ACTR3C: variants seen among roughly 807,000 people sequenced by gnomAD.
The protein encoded by ACTR3C is actin related protein 3C.
ACTR3C carries 18 observed loss-of-function variants against 26.3 expected under a neutral mutation model. The ratio of observed to expected loss-of-function variants is 0.68; its 90% confidence interval spans 0.47 to 1.01. ACTR3C has a LOEUF of 1.01. Ranked by LOEUF, ACTR3C falls within the 50% of genes least tolerant of loss-of-function variation. The pLI is 0.00. For missense variants in ACTR3C, 184 were observed against 250.7 expected (o/e 0.73, Z 1.80); for synonymous variants, 55 against 94.5 (o/e 0.58, Z 2.42).
At chr7:150,028,600 G>A in the ACTR3C span, among the ~76,000 whole-genome samples, 3 of 152,286 alleles carry the variant, frequency 2.0e-5, no homozygotes, top group East Asian at 3.8e-4. Context: ...TGGGCTTAGC[G>A]GCATCTCTGC....
At chr7:150,199,647 AAT>A in the ACTR3C span, among the ~76,000 whole-genome samples, 6 of 138,254 alleles carry the variant, frequency 4.3e-5, no homozygotes, top group South Asian at 4.5e-4. Flanking sequence ...AATAAAAAAA[AAT>A]AAATAAAAAA....
the ACTR3C span, among the ~76,000 whole-genome samples, chr7:150,201,101 G>T: frequency 8.6e-5 from 13 of 151,886 alleles, no homozygotes; most frequent in African/African-American, 3.1e-4. Flanking sequence ...ATACTTTTTT[G>T]TCTGCAACCC....
chr7:149,955,833 C>T, the ACTR3C span, among the ~76,000 whole-genome samples: 1 of 152,148 alleles, frequency 6.6e-6, no homozygotes, highest in African/African-American at 2.4e-5. Flanking sequence ...GCTCACTGAA[C>T]CCAGCAGGTA....
At chr7:149,926,327 G>T in the ACTR3C span, among the ~76,000 whole-genome samples, 1 of 152,206 alleles carries the variant, frequency 6.6e-6, no homozygotes, top group South Asian at 2.1e-4. Context: ...AGTCCTGCTT[G>T]GAGGAATGGC....
chr7:150,102,931 G>A, the ACTR3C span, among the ~76,000 whole-genome samples: 16 of 152,058 alleles, frequency 1.1e-4, no homozygotes, highest in African/African-American at 3.6e-4. Flanking sequence ...TGTAGTAGAC[G>A]TCTAGGAGCT....
downstream of ACTR3C, among the ~76,000 whole-genome samples, chr7:150,242,913 T>C (rs1283060684): frequency 6.6e-6 from 1 of 152,260 alleles, no homozygotes; most frequent in Admixed American, 6.5e-5. Context: ...ATTTATTTGA[T>C]CTTTTAGAAA....
the ACTR3C span, among the ~76,000 whole-genome samples, chr7:149,894,443 G>A: frequency 6.6e-6 from 1 of 152,222 alleles, no homozygotes; most frequent in Admixed American, 6.5e-5. Flanking sequence ...AATCAACAGA[G>A]TGAAGAGACA....
the ACTR3C span, among the ~76,000 whole-genome samples, chr7:150,035,541 T>A: frequency 1.0e-5 from 1 of 97,092 alleles, no homozygotes; most frequent in Admixed American, 8.8e-5. Context: ...TGCCTCCCCC[T>A]CCTGCGATGG....
At chr7:150,165,754 G>GCTT in the ACTR3C span, among the ~76,000 whole-genome samples, 3 of 150,678 alleles carry the variant, frequency 2.0e-5, no homozygotes, top group African/African-American at 7.5e-5. Context: ...CAGTGACCCA[G>GCTT]AGTCCATTCC....
the ACTR3C span, among the ~76,000 whole-genome samples, chr7:150,092,380 T>C: frequency 2.0e-5 from 3 of 151,390 alleles, no homozygotes; most frequent in African/African-American, 4.9e-5. Context: ...ATGGGTATGT[T>C]CCAACCACAC....
At chr7:150,040,514 A>G in the ACTR3C span, 2 of 148,756 alleles carry the variant, frequency 1.3e-5, no homozygotes, top group Admixed American at 1.3e-4. Context: ...TTTGGGATCC[A>G]CAGTCTACGA....
At chr7:150,239,918 A>AT (rs940515450), downstream of ACTR3C, among the ~76,000 whole-genome samples, 17 of 151,442 alleles carry the variant, frequency 1.1e-4, no homozygotes, top group African/African-American at 3.4e-4. Context: ...CACCTGGTTA[A>AT]TTTTTTTTGA....
the ACTR3C span, among the ~76,000 whole-genome samples, chr7:150,136,624 C>T: frequency 2.0e-5 from 3 of 151,828 alleles, no homozygotes; most frequent in Non-Finnish European, 2.9e-5. Context: ...GAGCTGAGAT[C>T]GCACCACTGC....
chr7:150,118,989 G>A, the ACTR3C span, among the ~76,000 whole-genome samples: 1 of 148,846 alleles, frequency 6.7e-6, no homozygotes, highest in Admixed American at 6.7e-5. Context: ...GCCAAACTAA[G>A]CTTTGTAAGC....
At chr7:150,095,524 G>A in the ACTR3C span, among the ~76,000 whole-genome samples, 1 of 150,450 alleles carries the variant, frequency 6.6e-6, no homozygotes, top group African/African-American at 2.5e-5. Flanking sequence ...GATAGTCTTG[G>A]CTTCTTTCAA....
At chr7:149,905,327 T>C in the ACTR3C span, among the ~76,000 whole-genome samples, 137,006 of 151,708 alleles carry the variant, frequency 0.9, 63,046 homozygotes, top group East Asian at 1. Flanking sequence ...CAAATGGGAA[T>C]GCACTCTTTA....
At chr7:149,899,820 A>T in the ACTR3C span, among the ~76,000 whole-genome samples, 1 of 150,148 alleles carries the variant, frequency 6.7e-6, no homozygotes, top group South Asian at 2.1e-4. Context: ...ACAAACCCCA[A>T]ATAAGTTAAC....
chr7:150,036,028 G>C, the ACTR3C span, among the ~76,000 whole-genome samples: 36 of 115,242 alleles, frequency 3.1e-4, 1 homozygote, highest in African/African-American at 1.2e-3. Flanking sequence ...GGGGTCCTAA[G>C]AGCAAAGGTG....
At chr7:150,222,684 G>C in the ACTR3C span, among the ~76,000 whole-genome samples, 2 of 152,286 alleles carry the variant, frequency 1.3e-5, no homozygotes, top group African/African-American at 4.8e-5. Flanking sequence ...TCATGATCTC[G>C]AGCTTGATGA....
Sources: gnomAD v4.1 joint callset for allele counts (sites outside exome capture counted in the v4.1 genomes callset) on GRCh38, gnomAD v4.1.1 for gene constraint, MANE v1.5 for transcripts, NCBI Gene and HGNC (gene_info 2026-07-23, HGNC 2026-07-21) for gene names.